The following ATP2C2 variants were observed in gnomAD, a reference collection of about 807,000 sequenced individuals.
The protein encoded by ATP2C2 is ATPase secretory pathway Ca2+ transporting 2.
Under a neutral mutation model 110.8 loss-of-function variants are expected in ATP2C2, and 171 were observed. That is an observed-to-expected ratio of 1.54 (90% CI 1.36 to 1.75). The LOEUF is 1.75. Among genes scored for constraint, ATP2C2 ranks in the 40% most tolerant of loss-of-function variants. The probability of loss-of-function intolerance (pLI) is 0.00; values close to 1 mark genes in which losing one functional copy is unlikely to be tolerated. For missense variants in ATP2C2, 1,963 were observed against 1,235.0 expected, an observed-to-expected ratio of 1.59 and a Z score of -8.84; for synonymous variants, 804 against 508.4, an observed-to-expected ratio of 1.58 and a Z score of -7.82.
Position 84,446,384 on chromosome 16 carries a change from G to C in ATP2C2, c.1457G>C (p.Ser486Thr). The C allele has an allele frequency of 6.2e-7, 1 of 1,607,726 alleles. No homozygotes were observed. Among genetic ancestry groups the C allele is most frequent in the South Asian group, 1.1e-5 (1 of 89,610 alleles). The change falls in exon 16 of 27, where the codon AGT becomes ACT. Residue 486 changes from serine (S) to threonine (T), a missense_variant. Transcript: ENST00000262429. ...ATAAGAAAAAAAGAGATTCCATTCA[G>C]TTCAGAGCAGAAGTGGATGGCGGTG... is the stretch of plus-strand genomic sequence containing the variant. ...SYIRKKEIPF[S>T]SEQKWMAVKC...
rs116962865 is a variant in ATP2C2, at chr16:84,374,415, C to T, written c.99+5701C>T. Among the ~76,000 whole-genome samples, 1,005 of 152,178 alleles carry T rather than the reference C, an allele frequency of 6.6e-3. 6 individuals are homozygous for T. The highest frequency in any genetic ancestry group is 9.8e-3 in the Non-Finnish European group (665 of 67,988). On this transcript the variant is annotated intron_variant, in intron 1 of 26. Coordinates refer to ENST00000262429, the MANE Select transcript of ATP2C2 (RefSeq NM_014861.4). Reference sequence around the variant, plus strand: ...TGTCACAGTCCTGAGTTGTAAGTTGCCCCCCACCCCGAAAGGTCTGTGTTG... The same window carrying T: ...TGTCACAGTCCTGAGTTGTAAGTTGTCCCCCACCCCGAAAGGTCTGTGTTG...
chr16:84,440,242 C>T (rs1909119942), intron 13 of ATP2C2, among the ~76,000 whole-genome samples: 1 of 152,216 alleles, frequency 6.6e-6, no homozygotes, highest in South Asian at 2.1e-4. Flanking sequence ...AAGGGATCCT[C>T]CCACCTCAGC....
In ATP2C2 at chr16:84,373,119, CA is replaced by C. The variant is rs34143321; in HGVS notation, c.99+4421del. On this transcript the variant is annotated intron_variant, in intron 1 of 26. Coordinates refer to ENST00000262429, the MANE Select transcript of ATP2C2 (RefSeq NM_014861.4). ...TGGAAGACAGAGCGAGACTCCCTCT[CA>C]AAAAAAAAAAAAAAAGTCAAATTTA... is the stretch of plus-strand genomic sequence containing the variant. Among the ~76,000 whole-genome samples the C allele has an allele frequency of 6.0e-3, 623 of 103,888 alleles. 9 individuals carry two copies. The highest frequency in any genetic ancestry group is 0.02 in the African/African-American group (457 of 23,158). 68.2% of individuals were successfully genotyped at this position (103,888 alleles called of 152,430 possible).
intron 17 of ATP2C2, among the ~76,000 whole-genome samples, chr16:84,451,156 C>T (rs3785067): frequency 0.42 from 63,143 of 151,994 alleles, 13,333 homozygotes; most frequent in Non-Finnish European, 0.47. Flanking sequence ...TCTTACATGG[C>T]AGCCGGCAAG....
chr16:84,426,307 C>A (rs533551446), intron 11 of ATP2C2, among the ~76,000 whole-genome samples: 2 of 152,122 alleles, frequency 1.3e-5, no homozygotes, highest in Admixed American at 6.6e-5. Context: ...CCAGCAAGAA[C>A]GGCTCGAAGG....
chr16:84,433,801 G>A lies in ATP2C2; in HGVS notation c.987-5365G>A, dbSNP rs572083095. On this transcript the variant is annotated intron_variant, in intron 11 of 26. Transcript: ENST00000262429. Reference sequence around the variant, plus strand: ...CGATTAAATATTTCCAGAAGAAAAAGCAAAAAAGGCTTCTGTGCTCAAGCC... The same window carrying A: ...CGATTAAATATTTCCAGAAGAAAAAACAAAAAAGGCTTCTGTGCTCAAGCC... Among the ~76,000 whole-genome samples, 4 of 152,192 alleles carry A rather than the reference G, an allele frequency of 2.6e-5. 1 individual carries two copies. The South Asian group carries it at 8.3e-4, about 32-fold the overall frequency.
chr16:84,448,492 C>T (rs747106136), intron 16 of ATP2C2, 41 bp from the exon 17 acceptor site: 4 of 1,581,050 alleles, frequency 2.5e-6, no homozygotes, highest in Non-Finnish European at 3.4e-6. Context: ...TGAACCAAGG[C>T]TTCCAGTGAT....
intron 1 of ATP2C2, among the ~76,000 whole-genome samples, chr16:84,394,214 G>C (rs555878653): frequency 6.6e-6 from 1 of 152,018 alleles, no homozygotes; most frequent in South Asian, 2.1e-4. Context: ...TTATTTTATT[G>C]AGGTGAAATT....
At chr16:84,429,576 A>C (rs1271939724) in intron 11 of ATP2C2, among the ~76,000 whole-genome samples, 2 of 151,828 alleles carry the variant, frequency 1.3e-5, no homozygotes, top group African/African-American at 2.4e-5. Flanking sequence ...GGATTGGGGG[A>C]GGTTGTGAAC....
intron 4 of ATP2C2, 116 bp from the exon 5 acceptor site, chr16:84,410,452 A>G: frequency 4.1e-6 from 5 of 1,223,410 alleles, no homozygotes; most frequent in South Asian, 2.4e-5. Flanking sequence ...TACTGTGCAC[A>G]TGTTTTGCAA....
chr16:84,425,768 A>C lies in ATP2C2; in HGVS notation c.953A>C (p.Lys318Thr), dbSNP rs551531561. Residue 318 changes from lysine to threonine, a missense_variant, in exon 11 of 27, where the codon AAA (lysine) becomes ACA (threonine). Physicochemically the swap from Lys to Thr is moderately conservative, Grantham distance 78 (BLOSUM62 -1). Transcript: ENST00000262429. Reference protein sequence around the residue: ...LIMLIGWSQGKQLLSMFTIGV... With the variant: ...LIMLIGWSQGTQLLSMFTIGV... ...ATGCTCATTGGCTGGTCGCAAGGGA[A>C]ACAACTCCTGAGTATGTTCACGATC... is the stretch of plus-strand genomic sequence containing the variant. The C allele has an allele frequency of 1.2e-6, 2 of 1,614,118 alleles. No individual in the cohort carries two copies. Among genetic ancestry groups the C allele is most frequent in the South Asian group, 2.2e-5 (2 of 91,076 alleles).
At chr16:84,449,688 C>T (rs1054545691) in intron 17 of ATP2C2, among the ~76,000 whole-genome samples, 15 of 152,172 alleles carry the variant, frequency 9.9e-5, no homozygotes, top group African/African-American at 2.9e-4. Flanking sequence ...ACACCAGCGA[C>T]GGGGCTGTGG....
At chr16:84,428,860 G>A (rs575214136) in intron 11 of ATP2C2, among the ~76,000 whole-genome samples, 5 of 152,324 alleles carry the variant, frequency 3.3e-5, no homozygotes, top group African/African-American at 7.2e-5. Flanking sequence ...ATAAATGAGC[G>A]GAGATGTATG....
chr16:84,408,325 C>G (rs903302901), intron 3 of ATP2C2, 80 bp from the exon 4 acceptor site: 1 of 1,393,036 alleles, frequency 7.2e-7, no homozygotes, highest in Non-Finnish European at 1.0e-6. Context: ...ACCCCTGTCA[C>G]ACAAACTTCT....
intron 1 of ATP2C2, among the ~76,000 whole-genome samples, chr16:84,372,953 C>G (rs1910040768): frequency 6.6e-6 from 1 of 151,110 alleles, no homozygotes; most frequent in Non-Finnish European, 1.5e-5. Flanking sequence ...AAACCCCTCT[C>G]TACTAAAAAT....
At chr16:84,383,286 C>T (rs1265018091) in intron 1 of ATP2C2, among the ~76,000 whole-genome samples, 1 of 152,228 alleles carries the variant, frequency 6.6e-6, no homozygotes, top group Non-Finnish European at 1.5e-5. Context: ...CTGCATCAAA[C>T]CCTCACTCCA....
At chr16:84,436,004 C>T (rs1281105730) in intron 11 of ATP2C2, among the ~76,000 whole-genome samples, 1 of 152,078 alleles carries the variant, frequency 6.6e-6, no homozygotes, top group Admixed American at 6.5e-5. Flanking sequence ...TGGCACATGC[C>T]TGTAATTCCA....
chr16:84,376,999 C>A (rs1222990127), intron 1 of ATP2C2, among the ~76,000 whole-genome samples: 1 of 152,190 alleles, frequency 6.6e-6, no homozygotes, highest in Non-Finnish European at 1.5e-5. Flanking sequence ...TCTGTGGACG[C>A]TTCAGAGGCT....
intron 17 of ATP2C2, among the ~76,000 whole-genome samples, chr16:84,448,944 G>T (rs1341608465): frequency 2.6e-5 from 4 of 152,180 alleles, no homozygotes; most frequent in Non-Finnish European, 5.9e-5. Context: ...TCCTAAGGCA[G>T]GTGAATGGGC....
Sources: allele counts gnomAD v4.1 joint callset (sites outside exome capture counted in the v4.1 genomes callset), GRCh38; gene constraint gnomAD v4.1.1; transcripts MANE v1.5; gene names NCBI Gene and HGNC (gene_info 2026-07-23, HGNC 2026-07-21).